Variants in SAMD12 observed in about 807,000 individuals in gnomAD.
SAMD12 encodes the protein sterile alpha motif domain-containing protein 12.
A neutral mutation model predicts 15.0 loss-of-function variants in SAMD12; 9 were observed. That is an observed-to-expected ratio of 0.60 (90% CI 0.36 to 1.05). The LOEUF (loss-of-function observed/expected upper bound fraction) is 1.05. Ranked by LOEUF, SAMD12 falls within the 50% of genes least tolerant of loss-of-function variation. SAMD12 has a pLI of 0.01. For synonymous variants in SAMD12, 86 were observed against 90.1 expected (o/e 0.96, Z 0.25); for missense variants, 230 against 234.2 (o/e 0.98, Z 0.12).
chr8:118,618,274 C>T (rs775621728), intron 1 of SAMD12, among the ~76,000 whole-genome samples: 8 of 152,090 alleles, frequency 5.3e-5, no homozygotes, highest in Non-Finnish European at 7.4e-5. Flanking sequence ...CTTAAACACA[C>T]GGCTGCAGGT....
the SAMD12 span, among the ~76,000 whole-genome samples, chr8:118,168,055 G>A: frequency 1.3e-5 from 2 of 152,200 alleles, no homozygotes; most frequent in African/African-American, 4.8e-5. Flanking sequence ...TCTCGTGATA[G>A]TGAATACGTC....
At chr8:118,267,479 A>T (rs1813232127) in intron 4 of SAMD12, among the ~76,000 whole-genome samples, 2 of 152,154 alleles carry the variant, frequency 1.3e-5, no homozygotes, top group African/African-American at 4.8e-5. Flanking sequence ...ACATCATTTC[A>T]TCAGCTCAAC....
At chr8:118,525,255 G>T (rs754381776) in intron 2 of SAMD12, among the ~76,000 whole-genome samples, 43 of 152,042 alleles carry the variant, frequency 2.8e-4, no homozygotes, top group Non-Finnish European at 7.4e-5. Context: ...TTTCCTTCAG[G>T]TCTCTGATTA....
intron 2 of SAMD12, among the ~76,000 whole-genome samples, chr8:118,507,991 CTTTTTTTTTTTT>C (rs11384671): frequency 1.8e-5 from 2 of 108,820 alleles, no homozygotes; most frequent in African/African-American, 3.5e-5. Context: ...GTATAATCTC[CTTTTTTTTTTTT>C]TTTTTTTTGA....
intron 2 of SAMD12, among the ~76,000 whole-genome samples, chr8:118,520,734 A>C (rs930276155): frequency 6.6e-6 from 1 of 152,188 alleles, no homozygotes; most frequent in Non-Finnish European, 1.5e-5. Context: ...TTTTTGCTTT[A>C]TCCAAATATC....
chr8:118,357,951 G>T (rs1370562233), intron 4 of SAMD12, among the ~76,000 whole-genome samples: 1 of 152,226 alleles, frequency 6.6e-6, no homozygotes, highest in African/African-American at 2.4e-5. Flanking sequence ...TGAGACCAGT[G>T]TGGGCAATGT....
rs3894435 is a variant in SAMD12 at position 118,293,923 on chromosome 8, C to T, written c.433+85637G>A. ...GTCATCAGACAGAAGCCAGCTCTAG[C>T]GAACCATTCTCACACTGGATCTCTA... On this transcript the variant is annotated intron_variant, in intron 4 of 4. Transcript: ENST00000409003. Among the ~76,000 whole-genome samples the T allele has an allele frequency of 3.7e-3, 560 of 152,280 alleles. 3 individuals are homozygous for T. The highest frequency in any genetic ancestry group is 0.013 in the African/African-American group (521 of 41,554).
At chr8:118,413,043 G>C (rs1332455616) in intron 3 of SAMD12, among the ~76,000 whole-genome samples, 1 of 152,088 alleles carries the variant, frequency 6.6e-6, no homozygotes, top group Non-Finnish European at 1.5e-5. Flanking sequence ...GGGCCGGTCT[G>C]CTGGAGGGCA....
At chr8:118,454,263 A>G (rs184380642) in intron 2 of SAMD12, among the ~76,000 whole-genome samples, 2 of 152,360 alleles carry the variant, frequency 1.3e-5, no homozygotes, top group Admixed American at 1.3e-4. Context: ...ACAATTTTGA[A>G]GGCATTGCTC....
At chr8:118,586,217 C>T (rs1174366528) in intron 1 of SAMD12, among the ~76,000 whole-genome samples, 1 of 152,136 alleles carries the variant, frequency 6.6e-6, no homozygotes, top group East Asian at 1.9e-4. Flanking sequence ...TCTTCCTTTC[C>T]CTTATTTGCA....
the SAMD12 span, among the ~76,000 whole-genome samples, chr8:118,173,552 T>A: frequency 5.4e-5 from 8 of 147,600 alleles, no homozygotes; most frequent in South Asian, 2.1e-4. Context: ...TATCTAATAT[T>A]TATATATATA....
At chr8:118,379,734 A>G (rs1239813771) in intron 3 of SAMD12, 34 bp from the exon 4 acceptor site, 1 of 1,599,700 alleles carries the variant, frequency 6.3e-7, no homozygotes, top group African/African-American at 1.3e-5. Flanking sequence ...GGAAAAGCAA[A>G]TGAACTACTT....
At chr8:118,304,707 C>A (rs1279541242) in intron 4 of SAMD12, among the ~76,000 whole-genome samples, 2 of 151,124 alleles carry the variant, frequency 1.3e-5, no homozygotes, top group Non-Finnish European at 2.9e-5. Context: ...TTGCAGTGAG[C>A]TGAGATTGTG....
intron 2 of SAMD12, among the ~76,000 whole-genome samples, chr8:118,479,514 G>A (rs1824061311): frequency 6.6e-6 from 1 of 152,058 alleles, no homozygotes; most frequent in South Asian, 2.1e-4. Flanking sequence ...CAGTATGGGG[G>A]AAACCACACC....
At chr8:118,496,573 A>T (rs1414307538) in intron 2 of SAMD12, among the ~76,000 whole-genome samples, 2 of 152,218 alleles carry the variant, frequency 1.3e-5, no homozygotes, top group East Asian at 3.8e-4. Context: ...AATCAACTCA[A>T]GATAGAGTAA....
the SAMD12 span, among the ~76,000 whole-genome samples, chr8:118,137,479 A>C: frequency 6.6e-6 from 1 of 152,178 alleles, no homozygotes; most frequent in Admixed American, 6.5e-5. Flanking sequence ...TAGTTATACG[A>C]AGTCAGCGTG....
chr8:118,471,790 G>T (rs1823799811), intron 2 of SAMD12, among the ~76,000 whole-genome samples: 1 of 152,226 alleles, frequency 6.6e-6, no homozygotes, highest in East Asian at 1.9e-4. Flanking sequence ...TGGTGACCGT[G>T]GTGGTGATGG....
chr8:118,141,522 A>C, the SAMD12 span, among the ~76,000 whole-genome samples: 12 of 152,180 alleles, frequency 7.9e-5, no homozygotes, highest in African/African-American at 2.9e-4. Flanking sequence ...GTCTTGAGCC[A>C]ATGCCCCATA....
chr8:118,561,959 T>C (rs536152224), intron 2 of SAMD12, among the ~76,000 whole-genome samples: 10 of 152,224 alleles, frequency 6.6e-5, no homozygotes, highest in Admixed American at 5.9e-4. Flanking sequence ...TCCACAAATA[T>C]AGAAACCAAC....
Sources: gnomAD v4.1 joint callset for allele counts (sites outside exome capture counted in the v4.1 genomes callset) on GRCh38, gnomAD v4.1.1 for gene constraint, MANE v1.5 for transcripts, NCBI Gene and HGNC (gene_info 2026-07-23, HGNC 2026-07-21) for gene names.